FAM209A: variants seen among roughly 807,000 people sequenced by gnomAD.
FAM209A encodes the protein protein FAM209A.
FAM209A carries 4 observed loss-of-function variants against 9.8 expected under a neutral mutation model. The ratio of observed to expected loss-of-function variants is 0.41; its 90% CI spans 0.20 to 0.94. The LOEUF (loss-of-function observed/expected upper bound fraction) is 0.94, where lower values mean the gene tolerates loss of function less well. FAM209A is among the 40% of genes least tolerant of loss of function. The pLI is 0.32. For missense variants in FAM209A, 205 were observed against 209.4 expected (o/e 0.98, Z 0.13); for synonymous variants, 55 against 77.8 (o/e 0.71, Z 1.54).
chr20:56,525,611 A>G (rs1306500368), intron 1 of FAM209A, among the ~76,000 whole-genome samples, 193 bp from the exon 2 acceptor site: 1 of 152,146 alleles, frequency 6.6e-6, no homozygotes, highest in African/African-American at 2.4e-5. Context: ...GCACTTCATA[A>G]TCCTGTGCCC....
At chr20:56,532,760 G>A in the FAM209A span, among the ~76,000 whole-genome samples, 1 of 152,140 alleles carries the variant, frequency 6.6e-6, no homozygotes, top group African/African-American at 2.4e-5. Context: ...GGGATTACAG[G>A]CGTGAGCTGC....
downstream of FAM209A, among the ~76,000 whole-genome samples, chr20:56,531,083 C>A (rs1225317812): frequency 6.6e-6 from 1 of 152,102 alleles, no homozygotes; most frequent in East Asian, 1.9e-4. Context: ...TAGGTTCATT[C>A]CCAGCCTTGG....
chr20:56,529,690 G>A (rs891338467), downstream of FAM209A, among the ~76,000 whole-genome samples: 2 of 150,926 alleles, frequency 1.3e-5, no homozygotes, highest in Non-Finnish European at 2.9e-5. Context: ...TTAGTTGGGT[G>A]TGTTGGCGTG....
chr20:56,527,696 G>A (rs1321808113), downstream of FAM209A, among the ~76,000 whole-genome samples: 1 of 152,210 alleles, frequency 6.6e-6, no homozygotes, highest in Non-Finnish European at 1.5e-5. Context: ...AGGGAGGCAG[G>A]GCAGACAGCA....
intron 1 of FAM209A, 137 bp from the exon 2 acceptor site, chr20:56,525,667 A>G: frequency 2.3e-6 from 2 of 853,784 alleles, no homozygotes; most frequent in Non-Finnish European, 1.8e-6. Context: ...GTAAAGGGCC[A>G]GGGAGGGTGC....
chr20:56,533,091 T>G, the FAM209A span: 1 of 929,868 alleles, frequency 1.1e-6, no homozygotes. Context: ...TGGCAGGGAA[T>G]TGGCACCCCG....
the FAM209A span, among the ~76,000 whole-genome samples, chr20:56,532,671 A>C: frequency 6.6e-6 from 1 of 151,234 alleles, no homozygotes; most frequent in East Asian, 2.0e-4. Flanking sequence ...TTTAGTAAAG[A>C]CGGGGTTTCA....
At position 56,525,730 on chromosome 20, in the gene FAM209A, G is replaced by T. The variant is rs375692507; in HGVS notation, c.250-74G>T. The T allele has an allele frequency of 6.5e-5, 95 of 1,472,440 alleles. No homozygotes were observed. The African/African-American group carries it at 1.2e-3, about 18-fold the overall frequency. 91.2% of individuals were successfully genotyped at this position (1,472,440 alleles called of 1,614,324 possible). A position where few individuals can be genotyped will look rare whatever the true frequency, so the allele number is the denominator to read the frequency against. ...GGTCTTCTTGCAACTACTCAAGTCT[G>T]CTGTTGTAACACGAACTGTGTCAAA... On this transcript the variant is annotated intron_variant, in intron 1 of 1. Coordinates refer to ENST00000371328, the MANE Select transcript of FAM209A (RefSeq NM_001012971.4).
chr20:56,531,299 G>GTTT, the FAM209A span, among the ~76,000 whole-genome samples: 8 of 133,998 alleles, frequency 6.0e-5, no homozygotes, highest in African/African-American at 1.9e-4. Flanking sequence ...TTCTTTCTTT[G>GTTT]TTTTTTTTTT....
chr20:56,525,742 C>A, intron 1 of FAM209A, 62 bp from the exon 2 acceptor site: 1 of 1,543,030 alleles, frequency 6.5e-7, no homozygotes, highest in Non-Finnish European at 8.8e-7. Flanking sequence ...TGTTGTAACA[C>A]GAACTGTGTC....
At position 56,525,032 on chromosome 20, in the gene FAM209A, G is replaced by A. The variant is rs1447223482; in HGVS notation, c.224G>A (p.Cys75Tyr). The A allele has an allele frequency of 6.2e-7, 1 of 1,614,066 alleles. No individual in the cohort carries two copies. Among genetic ancestry groups the A allele is most frequent in the African/African-American group, 1.3e-5 (1 of 74,908 alleles). ...FVVVPFVILQ[C>Y]QRDSEKNKEQ... ...GTTGTGCCGTTTGTGATACTGCAGTGTCAAAGAGACAGTGAGAAGAATAAG... is the reference window on the plus strand; with the variant it reads ...GTTGTGCCGTTTGTGATACTGCAGTATCAAAGAGACAGTGAGAAGAATAAG... The change falls in exon 1 of 2, where the codon TGT (cysteine) becomes TAT (tyrosine). Residue 75 changes from cysteine (C) to tyrosine (Y), a missense_variant. Physicochemically the swap from Cys to Tyr is radical, Grantham distance 194. Transcript: ENST00000371328.
chr20:56,533,096 A>C, the FAM209A span: 5 of 1,349,154 alleles, frequency 3.7e-6, no homozygotes, highest in African/African-American at 7.3e-5. Flanking sequence ...GGGAATTGGC[A>C]CCCCGTCGTG....
At chr20:56,532,480 C>CT in the FAM209A span, among the ~76,000 whole-genome samples, 1,858 of 108,092 alleles carry the variant, frequency 0.017, 53 homozygotes, top group African/African-American at 0.043. Context: ...TTTTCTTTTT[C>CT]TTTTTTTTTT....
rs774836739 is a variant in FAM209A at position 56,525,830 on chromosome 20, C to T, written c.276C>T (p.Gly92=). ...NKEQSPPGLR[G]GQLHSPLKKK... is the part of the protein sequence containing the mutation. ...AGCAGAGTCCTCCTGGCCTTCGAGG[C>T]GGCCAACTTCACTCTCCATTAAAGA... The change falls in exon 2 of 2, where the codon GGC becomes GGT. Residue 92 remains glycine (G), a synonymous_variant. Coordinates refer to ENST00000371328, the MANE Select transcript of FAM209A (RefSeq NM_001012971.4). 5.8e-5 allele frequency: 93 copies of T among 1,613,918 alleles called. No homozygotes were observed. Among genetic ancestry groups the T allele is most frequent in the South Asian group, 1.8e-4 (16 of 91,060 alleles).
chr20:56,533,290 C>G, the FAM209A span: 1 of 1,602,996 alleles, frequency 6.2e-7, no homozygotes. Flanking sequence ...CTTCCAGTTG[C>G]GAGGGCAAGC....
chr20:56,532,762 G>A, the FAM209A span, among the ~76,000 whole-genome samples: 4 of 152,220 alleles, frequency 2.6e-5, no homozygotes, highest in East Asian at 1.9e-4. Flanking sequence ...GATTACAGGC[G>A]TGAGCTGCCG....
At chr20:56,531,165 C>T in the FAM209A span, among the ~76,000 whole-genome samples, 2 of 152,162 alleles carry the variant, frequency 1.3e-5, no homozygotes, top group African/African-American at 4.8e-5. Flanking sequence ...CCACCAACTC[C>T]TAATCATCTC....
the FAM209A span, chr20:56,533,506 G>C: frequency 8.7e-6 from 14 of 1,614,214 alleles, no homozygotes; most frequent in Non-Finnish European, 1.1e-5. Context: ...CCCAAGGCTG[G>C]CTTGGGAGCA....
At chr20:56,526,211 G>A (rs1455719653), downstream of FAM209A, 86 of 1,218,766 alleles carry the variant, frequency 7.1e-5, no homozygotes, top group Non-Finnish European at 8.8e-5. Context: ...AAGTGAATGG[G>A]AGACCAGTAG....
Sources: allele counts gnomAD v4.1 joint callset (sites outside exome capture counted in the v4.1 genomes callset), GRCh38; gene constraint gnomAD v4.1.1; transcripts MANE v1.5; gene names NCBI Gene and HGNC (gene_info 2026-07-23, HGNC 2026-07-21).